Variants in NPC1 observed in about 807,000 individuals in gnomAD.
NPC1 encodes the protein Niemann-Pick C1 protein.
In NPC1, 85 loss-of-function variants were observed where a neutral mutation model predicts 140.4. The observed-to-expected ratio is 0.61, with a 90% confidence interval of 0.51 to 0.72. NPC1 has a LOEUF of 0.72. Among genes scored for constraint, NPC1 ranks in the 30% least tolerant of loss-of-function variants. NPC1 has a pLI of 0.00. For missense variants in NPC1, 1,504 were observed against 1,623.8 expected, an observed-to-expected ratio of 0.93 and a Z score of 1.27; for synonymous variants, 656 against 624.8, an observed-to-expected ratio of 1.05 and a Z score of -0.74.
chr18:23,576,375 T>C (rs2059279444), intron 1 of NPC1: 5 of 578,346 alleles, frequency 8.6e-6, no homozygotes, highest in South Asian at 7.6e-5. Flanking sequence ...TGAGCTGAGA[T>C]AGCACCTCTG....
intron 3 of NPC1, among the ~76,000 whole-genome samples, chr18:23,511,971 A>T (rs2057870265): frequency 6.6e-6 from 1 of 150,770 alleles, no homozygotes; most frequent in African/African-American, 2.4e-5. Context: ...GGAGGACTGG[A>T]TATTATCAGT....
chr18:23,561,503 A>T lies in NPC1; in HGVS notation c.488T>A (p.Val163Glu). The T allele has an allele frequency of 6.2e-7, 1 of 1,614,182 alleles. No individual in the cohort carries two copies. ...ANAMYNACRD[V>E]EAPSSNDKAL... ...CTTGTCATTACTTGAGGGGGCCTCCACATCCCGGCAGGCATTGTACATTGC... is the reference window on the plus strand; with the variant it reads ...CTTGTCATTACTTGAGGGGGCCTCCTCATCCCGGCAGGCATTGTACATTGC... The change falls in exon 5 of 25, where the codon GTG becomes GAG. Residue 163 changes from valine (V) to glutamate (E), a missense_variant. By Grantham distance (121) the Val-to-Glu change is moderately radical (BLOSUM62 -2). Coordinates refer to ENST00000269228, the MANE Select transcript of NPC1 (RefSeq NM_000271.5).
chr18:23,546,990 C>CT (rs1435098813), intron 11 of NPC1, among the ~76,000 whole-genome samples: 2 of 151,734 alleles, frequency 1.3e-5, no homozygotes, highest in Admixed American at 6.6e-5. Context: ...TTTAAATTCT[C>CT]TTTTTTCTTT....
intron 2 of NPC1, 130 bp from the exon 3 acceptor site, chr18:23,572,310 T>C: frequency 5.9e-6 from 4 of 679,604 alleles, no homozygotes; most frequent in Non-Finnish European, 1.1e-5. Context: ...ACATCCTGTA[T>C]TTGCAAAGTT....
intron 4 of NPC1, among the ~76,000 whole-genome samples, chr18:23,564,993 ATTAT>A (rs1274726404): frequency 6.6e-6 from 1 of 152,150 alleles, no homozygotes; most frequent in Non-Finnish European, 1.5e-5. Flanking sequence ...CCATAGATAT[ATTAT>A]TTATTCTCAG....
chr18:23,517,977 C>A (rs572306250), downstream of NPC1, among the ~76,000 whole-genome samples: 3 of 152,308 alleles, frequency 2.0e-5, no homozygotes, highest in Admixed American at 2.0e-4. Flanking sequence ...CTCATCCTCC[C>A]AAAGTGCTGG....
chr18:23,527,751 C>G, downstream of NPC1: 1 of 1,478,758 alleles, frequency 6.8e-7, no homozygotes, highest in Non-Finnish European at 9.5e-7. Flanking sequence ...CTGAAGCTGA[C>G]ATGAAGTTGG....
intron 1 of NPC1, among the ~76,000 whole-genome samples, chr18:23,584,996 A>G (rs1013877439): frequency 6.6e-6 from 1 of 152,202 alleles, no homozygotes; most frequent in African/African-American, 2.4e-5. Context: ...GCAGTGAGCT[A>G]TGATGGCGAC....
rs1352485089 is a variant in NPC1, at chr18:23,538,557, G to GGTTA, written c.3025_3026insTAAC (p.Pro1009LeufsTer13). On this transcript the variant is annotated frameshift_variant, in exon 20 of 25. Transcript: ENST00000269228. LOFTEE classifies it high-confidence loss of function. ...CAGCACTTACCCTTTGCCACACTTG[G>GGTTA]GGTTAGGGTTATCCGAAAGGAACAT... The GGTTA allele has an allele frequency of 1.2e-6, 2 of 1,613,966 alleles. No homozygotes were observed. The highest frequency in any genetic ancestry group is 1.7e-6 in the Non-Finnish European group (2 of 1,180,020).
At chr18:23,585,222 GCCTCAA>G (rs2059403061) in intron 1 of NPC1, among the ~76,000 whole-genome samples, 1 of 152,114 alleles carries the variant, frequency 6.6e-6, no homozygotes, top group African/African-American at 2.4e-5. Flanking sequence ...GCTCACAGCA[GCCTCAA>G]CCTCAACAAT....
chr18:23,532,468 T>C (rs1191865604), intron 24 of NPC1, among the ~76,000 whole-genome samples, 184 bp from the exon 25 acceptor site: 1 of 152,110 alleles, frequency 6.6e-6, no homozygotes, highest in Non-Finnish European at 1.5e-5. Context: ...GCTCTTTGCT[T>C]TCTTCCTCAG....
At chr18:23,555,879 C>CT (rs2058942736) in intron 8 of NPC1, among the ~76,000 whole-genome samples, 1 of 152,190 alleles carries the variant, frequency 6.6e-6, no homozygotes, top group Non-Finnish European at 1.5e-5. Flanking sequence ...TTGCATATTA[C>CT]TTTCAGTTAC....
intron 6 of NPC1, among the ~76,000 whole-genome samples, chr18:23,558,717 GTTTTT>G (rs138429491): frequency 6.7e-6 from 1 of 150,224 alleles, no homozygotes; most frequent in African/African-American, 2.4e-5. Flanking sequence ...TGTACTATGA[GTTTTT>G]TTTTTAATTA....
intron 3 of NPC1, among the ~76,000 whole-genome samples, chr18:23,516,700 AG>A: frequency 6.7e-6 from 1 of 149,634 alleles, no homozygotes; most frequent in Non-Finnish European, 1.5e-5. Context: ...TTTATTTCTT[AG>A]TATCTTTGTT....
At chr18:23,563,662 C>A (rs1463850120) in intron 4 of NPC1, among the ~76,000 whole-genome samples, 2 of 152,212 alleles carry the variant, frequency 1.3e-5, no homozygotes, top group African/African-American at 4.8e-5. Flanking sequence ...GATCCACCTG[C>A]CTTGGCCGTC....
chr18:23,508,092 GGT>G, intron 3 of NPC1: 1 of 1,541,042 alleles, frequency 6.5e-7, no homozygotes, highest in Non-Finnish European at 8.8e-7. Flanking sequence ...TGTTGAGCTG[GGT>G]TATGTAGTGG....
At chr18:23,545,618 GTCTC>G (rs1192427152) in intron 11 of NPC1, among the ~76,000 whole-genome samples, 6 of 152,188 alleles carry the variant, frequency 3.9e-5, no homozygotes, top group Admixed American at 3.3e-4. Flanking sequence ...TTGAAATAGA[GTCTC>G]TCTCTGTTGC....
rs3786410 is a variant in NPC1, at chr18:23,552,951, A to C, written c.1554-1224T>G. Among the ~76,000 whole-genome samples the C allele has an allele frequency of 4.6e-4, 70 of 152,332 alleles. 1 individual carries two copies. The East Asian group carries it at 0.011, about 24-fold the overall frequency. On this transcript the variant is annotated intron_variant, in intron 9 of 24. Coordinates refer to ENST00000269228, the MANE Select transcript of NPC1 (RefSeq NM_000271.5). ...TGCCTTTAAACAAAATGGGGAGAAG[A>C]AGCAGGTAAGGGCATGGTTCTGGGC... is the stretch of plus-strand genomic sequence containing the variant.
At chr18:23,538,489 A>C (rs1182052018) in intron 20 of NPC1, 53 bp downstream of exon 20, 1 of 1,609,416 alleles carries the variant, frequency 6.2e-7, no homozygotes, top group African/African-American at 1.3e-5. Flanking sequence ...CTAGTTTTCT[A>C]CTGCAAATTA....
Sources: gnomAD v4.1 joint callset for allele counts (sites outside exome capture counted in the v4.1 genomes callset) on GRCh38, gnomAD v4.1.1 for gene constraint, MANE v1.5 for transcripts, NCBI Gene and HGNC (gene_info 2026-07-23, HGNC 2026-07-21) for gene names.